The following CCDC102A variants were observed in gnomAD, a reference collection of about 807,000 sequenced individuals.
CCDC102A encodes coiled-coil domain containing 102A.
CCDC102A carries 40 observed loss-of-function variants against 55.5 expected under a neutral mutation model. That is an observed-to-expected ratio of 0.72 (90% CI 0.56 to 0.94). The LOEUF is 0.94. Ranked by LOEUF, CCDC102A falls within the 40% of genes least tolerant of loss-of-function variation. The pLI is 0.00. For synonymous variants in CCDC102A, 323 were observed against 339.0 expected (o/e 0.95, Z 0.52); for missense variants, 779 against 768.6 (o/e 1.01, Z -0.16).
In CCDC102A at chr16:57,529,947, G is replaced by A. The variant is rs2032224462; in HGVS notation, c.-147-623C>T. 6.6e-6 allele frequency among the ~76,000 whole-genome samples: 1 copy of A among 152,194 alleles called. No individual in the cohort carries two copies. Among genetic ancestry groups the A allele is most frequent in the Admixed American group, 6.5e-5 (1 of 15,290 alleles). On this transcript the variant is annotated intron_variant, in intron 1 of 8. Transcript: ENST00000258214. The surrounding 1 kb of genome is among the most constrained non-coding windows in gnomAD (Gnocchi z 4.1). ...TTTGTGGAGGGCAGGCCACAAGCCAGGCACTGTGCCCAGGGCTTTAGGTGA... is the reference window on the plus strand; with the variant it reads ...TTTGTGGAGGGCAGGCCACAAGCCAAGCACTGTGCCCAGGGCTTTAGGTGA...
At chr16:57,518,494 C>T in intron 5 of CCDC102A, 131 bp downstream of exon 5, 1 of 835,550 alleles carries the variant, frequency 1.2e-6, no homozygotes, top group Admixed American at 2.0e-5. Flanking sequence ...CAGATCAGGA[C>T]ACCATTGGAT....
At chr16:57,532,648 A>T (rs1419612977) in intron 1 of CCDC102A, among the ~76,000 whole-genome samples, 1 of 152,152 alleles carries the variant, frequency 6.6e-6, no homozygotes, top group Non-Finnish European at 1.5e-5. Context: ...GCACACTGAC[A>T]CACAGGTACA....
intron 2 of CCDC102A, among the ~76,000 whole-genome samples, chr16:57,527,105 C>T (rs1315876185): frequency 6.6e-6 from 1 of 152,202 alleles, no homozygotes; most frequent in Non-Finnish European, 1.5e-5. Context: ...GAAGAGGGGA[C>T]TTCAGCCACA....
intron 1 of CCDC102A, among the ~76,000 whole-genome samples, chr16:57,533,479 T>C (rs739814): frequency 0.48 from 67,568 of 141,734 alleles, 15,566 homozygotes; most frequent in East Asian, 0.67. Context: ...AATGCACACA[T>C]TCACACACAC....
Position 57,528,989 on chromosome 16 carries a change from C to T in CCDC102A, c.189G>A (p.Leu63=). 1 of 1,196,048 alleles carries T rather than the reference C, an allele frequency of 8.4e-7. No homozygotes were observed. Among genetic ancestry groups the T allele is most frequent in the South Asian group, 2.0e-5 (1 of 48,890 alleles). The allele number at this position is 1,196,048 out of a possible 1,614,324, so 74.1% of individuals were successfully genotyped here. A position where few individuals can be genotyped will look rare whatever the true frequency, so the allele number is the denominator to read the frequency against. Residue 63 remains leucine, a synonymous_variant, in exon 2 of 9, where the codon CTG becomes CTA. Coordinates refer to ENST00000258214, the MANE Select transcript of CCDC102A (RefSeq NM_033212.4). ...GGCTCTCCCAGTCGCCGTCGGCCAG[C>T]AGCGCGGGCGCGGGGGGCAGGGGCA... The part of the protein sequence containing the change: ...PALPLPPAPA[L]LADGDWESRE...
intron 6 of CCDC102A, among the ~76,000 whole-genome samples, chr16:57,517,528 G>C (rs2031975455): frequency 6.6e-6 from 1 of 152,108 alleles, no homozygotes; most frequent in African/African-American, 2.4e-5. Flanking sequence ...ATTTTTAGTA[G>C]ATATGGGGTT....
chr16:57,512,756 T>C lies in CCDC102A; in HGVS notation c.1638A>G (p.Gln546=). The C allele has an allele frequency of 6.2e-7, 1 of 1,613,962 alleles. No individual in the cohort carries two copies. The highest frequency in any genetic ancestry group is 8.5e-7 in the Non-Finnish European group (1 of 1,179,892). The change falls in exon 9 of 9, where the codon CAA becomes CAG. Residue 546 remains glutamine (Q), a synonymous_variant. Transcript: ENST00000258214. ...TSDLDEDEDL[Q]IQVA Reference sequence around the variant, plus strand: ...ACAGGAAGCTCTAGGCCACCTGGATTTGCAGGTCCTCGTCCTCGTCCAGGT... The same window carrying C: ...ACAGGAAGCTCTAGGCCACCTGGATCTGCAGGTCCTCGTCCTCGTCCAGGT...
intron 3 of CCDC102A, among the ~76,000 whole-genome samples, chr16:57,522,383 T>C (rs1336536404): frequency 1.3e-5 from 2 of 152,084 alleles, no homozygotes; most frequent in African/African-American, 4.8e-5. Flanking sequence ...GCACTGGGCA[T>C]CTCTGGGCAA....
intron 2 of CCDC102A, among the ~76,000 whole-genome samples, chr16:57,527,731 ATC>A (rs1173336587): frequency 6.6e-5 from 10 of 152,040 alleles, no homozygotes. Flanking sequence ...TTACTTCTGA[ATC>A]TCTCTGTGCC....
In CCDC102A at chr16:57,512,845, G is replaced by A; in HGVS notation, c.1549C>T (p.Pro517Ser). 6.2e-7 allele frequency: 1 copy of A among 1,614,000 alleles called. No homozygotes were observed. The highest frequency in any genetic ancestry group is 8.5e-7 in the Non-Finnish European group (1 of 1,179,958). ...SRLRRQQQNA[P>S]LFGKIRSARF... ...GCACTGCGGATCTTCCCGAAGAGGGGAGCGTTCTGCTGCTGCCTGCGGAGC... is the reference window on the plus strand; with the variant it reads ...GCACTGCGGATCTTCCCGAAGAGGGAAGCGTTCTGCTGCTGCCTGCGGAGC... Residue 517 changes from proline to serine, a missense_variant, in exon 9 of 9, where the codon CCC becomes TCC. Transcript: ENST00000258214.
In CCDC102A at chr16:57,529,165, G is replaced by C. The variant is rs1170566493; in HGVS notation, c.13C>G (p.Pro5Ala). 4 of 1,184,206 alleles carry C rather than the reference G, an allele frequency of 3.4e-6. No homozygotes were observed. The East Asian group carries it at 1.5e-4, about 43-fold the overall frequency. The allele number at this position is 1,184,206 out of a possible 1,614,324, so 73.4% of individuals were successfully genotyped here. A position where few individuals can be genotyped will look rare whatever the true frequency, so the allele number is the denominator to read the frequency against. ...GGGGACTCGGCCAGCCGGGGGCTGG[G>C]CCCGTGGCTCATGGTGCGGCCGGGC... MSHG[P>A]SPRLAESPQL... Residue 5 changes from proline to alanine, a missense_variant, in exon 2 of 9, where the codon CCC becomes GCC. Transcript: ENST00000258214. The surrounding 1 kb of genome is among the most constrained non-coding windows in gnomAD (Gnocchi z 4.1).
Position 57,512,876 on chromosome 16 carries a change from G to T in CCDC102A, c.1524-6C>A. 1 of 1,612,352 alleles carries T rather than the reference G, an allele frequency of 6.2e-7. No individual in the cohort carries two copies. The highest frequency in any genetic ancestry group is 1.7e-4 in the Middle Eastern group (1 of 6,020). ...TCTGCTGCTGCCTGCGGAGCCTGTG[G>T]GGTGGGGGTGACAGGAGGTTAGAGC... is the stretch of plus-strand genomic sequence containing the variant. On this transcript the variant is annotated splice_region_variant and splice_polypyrimidine_tract_variant and intron_variant, in intron 8 of 8. Coordinates refer to ENST00000258214, the MANE Select transcript of CCDC102A (RefSeq NM_033212.4).
At chr16:57,526,258 C>G in intron 2 of CCDC102A, 131 bp from the exon 3 acceptor site, 1 of 648,126 alleles carries the variant, frequency 1.5e-6, no homozygotes. Context: ...CTGCTGCCTG[C>G]CTCTCCATCT....
In CCDC102A at chr16:57,529,438, G is replaced by T; in HGVS notation, c.-147-114C>A. Reference sequence around the variant, plus strand: ...GGCCAAGGTAGGAGGAGAGAGTTCTGTTCCAGGAGAGTCCCAATGAGGCAG... The same window carrying T: ...GGCCAAGGTAGGAGGAGAGAGTTCTTTTCCAGGAGAGTCCCAATGAGGCAG... On this transcript the variant is annotated intron_variant, in intron 1 of 8. Transcript: ENST00000258214. The surrounding 1 kb of genome is among the most constrained non-coding windows in gnomAD (Gnocchi z 4.1). 4.5e-6 allele frequency: 1 copy of T among 220,986 alleles called. No homozygotes were observed. Among genetic ancestry groups the T allele is most frequent in the Non-Finnish European group, 8.3e-6 (1 of 120,384 alleles). 13.7% of individuals were successfully genotyped at this position (220,986 alleles called of 1,614,324 possible). A position where few individuals can be genotyped will look rare whatever the true frequency, so the allele number is the denominator to read the frequency against.
chr16:57,535,512 A>G (rs1441433051), intron 1 of CCDC102A, among the ~76,000 whole-genome samples: 2 of 151,944 alleles, frequency 1.3e-5, no homozygotes, highest in African/African-American at 4.8e-5. Context: ...GATCTTAGCC[A>G]CCTGAGGGGC....
At chr16:57,524,900 C>G (rs2032110508) in intron 3 of CCDC102A, among the ~76,000 whole-genome samples, 1 of 152,154 alleles carries the variant, frequency 6.6e-6, no homozygotes, top group African/African-American at 2.4e-5. Context: ...ACTGATCACT[C>G]TGTCCTCCGG....
At chr16:57,525,770 A>T in intron 3 of CCDC102A, 131 bp downstream of exon 3, 1 of 805,102 alleles carries the variant, frequency 1.2e-6, no homozygotes, top group South Asian at 1.6e-5. Flanking sequence ...GTGGAACACC[A>T]CTGCTCTACA....
chr16:57,520,832 C>T (rs1238586405), intron 4 of CCDC102A, among the ~76,000 whole-genome samples: 3 of 150,088 alleles, frequency 2.0e-5, no homozygotes, highest in African/African-American at 7.4e-5. Flanking sequence ...CCCAGCTATT[C>T]GGGAAGCTGA....
rs80012308 is a variant in CCDC102A at position 57,516,166 on chromosome 16, C to G, written c.1419+127G>C. 1.6e-5 allele frequency: 14 copies of G among 897,042 alleles called. No homozygotes were observed. In the Admixed American group the frequency reaches 3.4e-4, roughly 22 times the overall value. 55.6% of individuals were successfully genotyped at this position (897,042 alleles called of 1,614,324 possible). ...ACGCACCTACCCACTCTATCCTGGG[C>G]GACTCCTGAGAGACAGGCTTGTGCC... On this transcript the variant is annotated intron_variant, in intron 7 of 8. Coordinates refer to ENST00000258214, the MANE Select transcript of CCDC102A (RefSeq NM_033212.4). The surrounding 1 kb of genome is among the most constrained non-coding windows in gnomAD (Gnocchi z 4.4).
Sources: allele counts gnomAD v4.1 joint callset (sites outside exome capture counted in the v4.1 genomes callset), GRCh38; gene constraint gnomAD v4.1.1; non-coding constraint Gnocchi (gnomAD v3.1); transcripts MANE v1.5; gene names NCBI Gene and HGNC (gene_info 2026-07-23, HGNC 2026-07-21).